The following CCDC170 variants were observed in gnomAD, a reference collection of about 807,000 sequenced individuals.
The protein encoded by CCDC170 is coiled-coil domain-containing protein 170.
Under a neutral mutation model 72.6 loss-of-function variants are expected in CCDC170, and 69 were observed. That is an observed-to-expected ratio of 0.95 (90% CI 0.78 to 1.16). The LOEUF is 1.16. CCDC170 is among the 50% of genes most tolerant of loss of function. The probability of loss-of-function intolerance (pLI) is 0.00; values close to 1 mark genes in which losing one functional copy is unlikely to be tolerated. For missense variants in CCDC170, 852 were observed against 832.5 expected, an observed-to-expected ratio of 1.02 and a Z score of -0.29; for synonymous variants, 300 against 303.9, an observed-to-expected ratio of 0.99 and a Z score of 0.13.
chr6:151,607,160 A>G lies in CCDC170; in HGVS notation c.1711-8283A>G, dbSNP rs79122140. 9.6e-3 allele frequency among the ~76,000 whole-genome samples: 1,459 copies of G among 152,248 alleles called. 21 individuals are homozygous for G. Among genetic ancestry groups the G allele is most frequent in the African/African-American group, 0.034 (1,414 of 41,540 alleles). ...TGTTTGTTTGTGGTGGCATCAGTAG[A>G]GCAGGCATTTGAGACAGAAAAATAT... On this transcript the variant is annotated intron_variant, in intron 9 of 10. Coordinates refer to ENST00000239374, the MANE Select transcript of CCDC170 (RefSeq NM_025059.4).
intron 2 of CCDC170, among the ~76,000 whole-genome samples, chr6:151,537,430 A>G (rs2115047171): frequency 6.6e-6 from 1 of 152,208 alleles, no homozygotes; most frequent in Non-Finnish European, 1.5e-5. Flanking sequence ...CTGACATTTT[A>G]ACTCAATAGG....
At position 151,522,074 on chromosome 6, in the gene CCDC170, C is replaced by T. The variant is rs186133911; in HGVS notation, c.58-14244C>T. Among the ~76,000 whole-genome samples the T allele has an allele frequency of 5.6e-4, 84 of 151,200 alleles. 2 individuals are homozygous for T. The highest frequency in any genetic ancestry group is 1.8e-3 in the African/African-American group (73 of 41,246). ...ACTCGGAAGGCTGAGGCAGGAGAAT[C>T]GCCTGAACCTGGGAGGTGGAGGTTG... On this transcript the variant is annotated intron_variant, in intron 1 of 10. Coordinates refer to ENST00000239374, the MANE Select transcript of CCDC170 (RefSeq NM_025059.4).
intron 6 of CCDC170, among the ~76,000 whole-genome samples, chr6:151,575,694 T>C (rs1776292677): frequency 6.6e-6 from 1 of 151,544 alleles, no homozygotes; most frequent in Admixed American, 6.6e-5. Flanking sequence ...CACACCCAGC[T>C]AATTTTTGTA....
intron 8 of CCDC170, among the ~76,000 whole-genome samples, chr6:151,595,489 A>G (rs1212752312): frequency 6.6e-6 from 1 of 152,180 alleles, no homozygotes; most frequent in Non-Finnish European, 1.5e-5. Context: ...AAGCTTACTT[A>G]AAAATCTCCT....
chr6:151,550,926 G>A lies in CCDC170; in HGVS notation c.774+2437G>A, dbSNP rs75212012. Reference sequence around the variant, plus strand: ...ACAAATACCATCACATTGGGGGTTAGGACTTCAAAGTATGAATTTTGGGGA... The same window carrying A: ...ACAAATACCATCACATTGGGGGTTAAGACTTCAAAGTATGAATTTTGGGGA... On this transcript the variant is annotated intron_variant, in intron 5 of 10. Transcript: ENST00000239374. 1.5e-3 allele frequency among the ~76,000 whole-genome samples: 233 copies of A among 152,266 alleles called. 3 individuals are homozygous for A. In the East Asian group the frequency reaches 0.042, roughly 28 times the overall value.
intron 6 of CCDC170, among the ~76,000 whole-genome samples, chr6:151,582,018 A>G (rs1260959509): frequency 6.6e-6 from 1 of 152,202 alleles, no homozygotes; most frequent in Non-Finnish European, 1.5e-5. Flanking sequence ...ATATTTCTTA[A>G]GGGGCCTAGG....
chr6:151,494,762 CAG>C (rs1017243607), intron 1 of CCDC170, among the ~76,000 whole-genome samples: 2 of 152,000 alleles, frequency 1.3e-5, no homozygotes, highest in Admixed American at 1.3e-4. Flanking sequence ...CGCGCATACA[CAG>C]ACGCTCGTGC....
chr6:151,497,378 C>T (rs1351871691), intron 1 of CCDC170, among the ~76,000 whole-genome samples: 1 of 152,052 alleles, frequency 6.6e-6, no homozygotes. Flanking sequence ...AAGACCCTGG[C>T]TCAAAAATAA....
chr6:151,600,322 G>A (rs566993058), intron 9 of CCDC170, among the ~76,000 whole-genome samples: 1 of 152,234 alleles, frequency 6.6e-6, no homozygotes, highest in Non-Finnish European at 1.5e-5. Context: ...AGCAAAAATA[G>A]CTTTACTGTA....
intron 2 of CCDC170, among the ~76,000 whole-genome samples, chr6:151,537,317 A>C (rs1363012042): frequency 6.6e-6 from 1 of 152,196 alleles, no homozygotes; most frequent in Non-Finnish European, 1.5e-5. Flanking sequence ...CCAGGACCCC[A>C]TAGAACGATG....
chr6:151,499,558 T>TA (rs1480154147), intron 1 of CCDC170, among the ~76,000 whole-genome samples: 1 of 77,424 alleles, frequency 1.3e-5, no homozygotes, highest in Non-Finnish European at 2.3e-5. Context: ...AGTGGAATCA[T>TA]ACTGTATTTG....
At chr6:151,615,308 CTG>C in intron 9 of CCDC170, 133 bp from the exon 10 acceptor site, 1 of 709,778 alleles carries the variant, frequency 1.4e-6, no homozygotes, top group Non-Finnish European at 2.5e-6. Context: ...AAATCTCTAA[CTG>C]TTTGGGATGA....
chr6:151,511,271 C>G (rs764226118), intron 1 of CCDC170, among the ~76,000 whole-genome samples: 1 of 152,102 alleles, frequency 6.6e-6, no homozygotes, highest in Non-Finnish European at 1.5e-5. Flanking sequence ...TCCATCTATA[C>G]TTGTTCTAGG....
chr6:151,522,619 C>T (rs1398772740), intron 1 of CCDC170, among the ~76,000 whole-genome samples: 6 of 152,160 alleles, frequency 3.9e-5, no homozygotes, highest in Non-Finnish European at 7.3e-5. Context: ...GCAGGGGCCA[C>T]GTGCATCAGG....
At chr6:151,536,567 G>A in intron 2 of CCDC170, 121 bp downstream of exon 2, 1 of 1,138,338 alleles carries the variant, frequency 8.8e-7, no homozygotes, top group East Asian at 2.7e-5. Flanking sequence ...ACGAGGTCAA[G>A]AGATCCAGAC....
chr6:151,510,999 G>T (rs1185642474), intron 1 of CCDC170, among the ~76,000 whole-genome samples: 1 of 152,168 alleles, frequency 6.6e-6, no homozygotes, highest in Non-Finnish European at 1.5e-5. Context: ...GCCTCCCAAA[G>T]TGCTGGGATT....
At chr6:151,599,940 C>T (rs1776679033) in intron 9 of CCDC170, among the ~76,000 whole-genome samples, 1 of 152,076 alleles carries the variant, frequency 6.6e-6, no homozygotes, top group African/African-American at 2.4e-5. Context: ...TACTTGGTTG[C>T]CTTATTTTGA....
intron 9 of CCDC170, among the ~76,000 whole-genome samples, chr6:151,603,969 A>G (rs1317333745): frequency 1.3e-5 from 2 of 152,232 alleles, no homozygotes; most frequent in East Asian, 3.8e-4. Context: ...TAAAGTAAGA[A>G]TAGCTATTTG....
At chr6:151,528,496 T>C (rs945021782) in intron 1 of CCDC170, among the ~76,000 whole-genome samples, 1 of 152,192 alleles carries the variant, frequency 6.6e-6, no homozygotes, top group African/African-American at 2.4e-5. Context: ...TTTTTAAATT[T>C]AAGAGGGAAT....
Sources: gnomAD v4.1 joint callset for allele counts (sites outside exome capture counted in the v4.1 genomes callset) on GRCh38, gnomAD v4.1.1 for gene constraint, MANE v1.5 for transcripts, NCBI Gene and HGNC (gene_info 2026-07-23, HGNC 2026-07-21) for gene names.